The following ZHX2 variants were observed in gnomAD, a reference collection of about 807,000 sequenced individuals.
ZHX2 encodes zinc fingers and homeoboxes protein 2.
ZHX2 carries 6 observed loss-of-function variants against 21.9 expected under a neutral mutation model. That is an observed-to-expected ratio of 0.27 (90% CI 0.15 to 0.54). ZHX2 has a LOEUF of 0.54. Among genes scored for constraint, ZHX2 ranks in the 20% least tolerant of loss-of-function variants. The pLI is 0.95. For synonymous variants in ZHX2, 434 were observed against 437.1 expected (o/e 0.99, Z 0.09); for missense variants, 908 against 1,090.7 (o/e 0.83, Z 2.36).
intron 1 of ZHX2, among the ~76,000 whole-genome samples, chr8:122,842,961 A>G (rs1051926530): frequency 6.6e-6 from 1 of 152,210 alleles, no homozygotes; most frequent in Non-Finnish European, 1.5e-5. Context: ...GAGGCCCCCA[A>G]ACCTGCATTT....
Position 122,973,816 on chromosome 8 carries a change from C to T in ZHX2, c.*579C>T, listed in dbSNP as rs940485538. The T allele has an allele frequency of 6.6e-6, 1 of 152,596 alleles. No individual in the cohort carries two copies. Among genetic ancestry groups the T allele is most frequent in the East Asian group, 1.9e-4 (1 of 5,200 alleles). The allele number at this position is 152,596 out of a possible 1,614,324, so 9.5% of individuals were successfully genotyped here. A position where few individuals can be genotyped will look rare whatever the true frequency, so the allele number is the denominator to read the frequency against. ...GCTGAAATCCAGGCCCCTGTCTCAA[C>T]TTGGAGAGAGGTGACAGACGGCAGA... On this transcript the variant is annotated 3_prime_UTR_variant, in exon 4 of 4. Transcript: ENST00000314393.
At chr8:122,860,809 G>A (rs1307473139) in intron 1 of ZHX2, among the ~76,000 whole-genome samples, 1 of 152,106 alleles carries the variant, frequency 6.6e-6, no homozygotes, top group Non-Finnish European at 1.5e-5. Flanking sequence ...GCTGAGGCAA[G>A]TGGATCATGA....
At chr8:122,874,543 G>A (rs1316329405) in intron 2 of ZHX2, among the ~76,000 whole-genome samples, 2 of 152,140 alleles carry the variant, frequency 1.3e-5, no homozygotes, top group African/African-American at 2.4e-5. Context: ...ACGATGGCCA[G>A]GCTGGTCTCG....
At chr8:122,851,029 T>C (rs1043894332) in intron 1 of ZHX2, among the ~76,000 whole-genome samples, 1 of 151,868 alleles carries the variant, frequency 6.6e-6, no homozygotes, top group Non-Finnish European at 1.5e-5. Flanking sequence ...CCAGCTATCA[T>C]TGTGGTCTTC....
chr8:122,931,561 C>G (rs1045508685), intron 2 of ZHX2, among the ~76,000 whole-genome samples: 1 of 152,146 alleles, frequency 6.6e-6, no homozygotes, highest in African/African-American at 2.4e-5. Context: ...TTTCACCTCC[C>G]AAAGCAGAGG....
At chr8:122,911,637 A>T (rs900003228) in intron 2 of ZHX2, among the ~76,000 whole-genome samples, 2 of 152,068 alleles carry the variant, frequency 1.3e-5, no homozygotes, top group Non-Finnish European at 2.9e-5. Context: ...CTATGTGCTG[A>T]GCCCTGGGGA....
chr8:122,848,425 CCTGAA>C (rs1263193957), intron 1 of ZHX2, among the ~76,000 whole-genome samples: 8 of 152,154 alleles, frequency 5.3e-5, no homozygotes, highest in Non-Finnish European at 8.8e-5. Context: ...CCTCCACTGA[CCTGAA>C]TTTAATTATT....
intron 1 of ZHX2, among the ~76,000 whole-genome samples, chr8:122,832,932 T>C (rs769573737): frequency 8.5e-5 from 13 of 152,054 alleles, no homozygotes; most frequent in Non-Finnish European, 1.9e-4. Context: ...GAGCAGATCA[T>C]TAACACATTG....
chr8:122,847,933 T>C (rs958682132), intron 1 of ZHX2, among the ~76,000 whole-genome samples: 1 of 152,146 alleles, frequency 6.6e-6, no homozygotes, highest in Non-Finnish European at 1.5e-5. Context: ...CGAGCTTTAC[T>C]CTTCACATCA....
intron 1 of ZHX2, chr8:122,815,841 C>T (rs922797330): frequency 4.6e-5 from 7 of 152,276 alleles, no homozygotes; most frequent in African/African-American, 1.2e-4. Flanking sequence ...GTAATCCCAG[C>T]GCTTCAGGAA....
At chr8:122,966,175 C>T (rs1337043768) in intron 3 of ZHX2, among the ~76,000 whole-genome samples, 11 of 151,980 alleles carry the variant, frequency 7.2e-5, no homozygotes, top group African/African-American at 2.4e-4. Flanking sequence ...ATGTGAGGTA[C>T]TGTTCTATTC....
intron 2 of ZHX2, among the ~76,000 whole-genome samples, chr8:122,910,929 G>A (rs1165633291): frequency 6.6e-6 from 1 of 152,210 alleles, no homozygotes; most frequent in East Asian, 1.9e-4. Flanking sequence ...CCCCAGGCAT[G>A]GGGCCCCTTC....
intron 2 of ZHX2, among the ~76,000 whole-genome samples, chr8:122,920,361 A>G (rs80096981): frequency 2.7e-5 from 4 of 150,746 alleles, no homozygotes; most frequent in African/African-American, 9.8e-5. Context: ...TTTTCTTTTG[A>G]TACCTTTGGT....
At chr8:122,969,284 G>A (rs987890854) in intron 3 of ZHX2, among the ~76,000 whole-genome samples, 6 of 152,280 alleles carry the variant, frequency 3.9e-5, no homozygotes, top group South Asian at 2.1e-4. Context: ...TAAAGTTGCA[G>A]TTATACAGAT....
At chr8:122,872,351 A>G (rs1819462208) in intron 2 of ZHX2, among the ~76,000 whole-genome samples, 1 of 152,188 alleles carries the variant, frequency 6.6e-6, no homozygotes, top group Non-Finnish European at 1.5e-5. Flanking sequence ...GCCCTCATGG[A>G]CTAGATATGA....
Position 122,953,518 on chromosome 8 carries a change from A to G in ZHX2, c.2008A>G (p.Thr670Ala). Residue 670 changes from threonine to alanine, a missense_variant, in exon 3 of 4, where the codon ACT becomes GCT. Around this residue, in one of 4 missense-constraint regions of ZHX2, gnomAD observed 431 missense variants for 428.6 expected, o/e 1.01. Coordinates refer to ENST00000314393, the MANE Select transcript of ZHX2 (RefSeq NM_014943.5). This position sits in a 1 kb window ranked among gnomAD's most constrained non-coding sequence, Gnocchi z 4.6. ...AGCGGCCAAGACTGGCCTGGTCCGA[A>G]CTGAGATTGTGCGTTGGTTCAAGGA... ...QLAAKTGLVR[T>A]EIVRWFKENR... The G allele has an allele frequency of 6.2e-7, 1 of 1,614,234 alleles. No homozygotes were observed. Among genetic ancestry groups the G allele is most frequent in the Non-Finnish European group, 8.5e-7 (1 of 1,180,048 alleles).
At chr8:122,950,615 G>A (rs182847311) in intron 2 of ZHX2, among the ~76,000 whole-genome samples, 268 of 152,146 alleles carry the variant, frequency 1.8e-3, no homozygotes, top group African/African-American at 2.4e-3. Context: ...ATGGCTGAAC[G>A]TATCATGTGT....
chr8:122,955,092 G>T (rs958179468), intron 3 of ZHX2, among the ~76,000 whole-genome samples: 1 of 149,958 alleles, frequency 6.7e-6, no homozygotes, highest in African/African-American at 2.5e-5. Context: ...GTGGCAGGGC[G>T]GTTTCCATGG....
intron 2 of ZHX2, among the ~76,000 whole-genome samples, chr8:122,902,547 A>G (rs1820257257): frequency 6.6e-6 from 1 of 152,230 alleles, no homozygotes; most frequent in Admixed American, 6.5e-5. Context: ...AGAAAGGGCT[A>G]TCTTACAAAG....
Sources: gnomAD v4.1 joint callset for allele counts (sites outside exome capture counted in the v4.1 genomes callset) on GRCh38, gnomAD v4.1.1 for gene constraint, gnomAD v4.1.1 regional missense constraint, Gnocchi (gnomAD v3.1) non-coding constraint, MANE v1.5 for transcripts, NCBI Gene and HGNC (gene_info 2026-07-23, HGNC 2026-07-21) for gene names.